RNF220: variants seen among roughly 807,000 people sequenced by gnomAD.
The protein encoded by RNF220 is E3 ubiquitin-protein ligase RNF220.
In RNF220, 7 loss-of-function variants were observed where a neutral mutation model predicts 67.1. The ratio of observed to expected loss-of-function variants is 0.10; its 90% CI spans 0.06 to 0.20. RNF220 has a LOEUF of 0.20. Ranked by LOEUF, RNF220 falls within the 10% of genes least tolerant of loss-of-function variation. The pLI is 1.00. For synonymous variants in RNF220, 270 were observed against 283.2 expected (o/e 0.95, Z 0.47); for missense variants, 565 against 740.3 (o/e 0.76, Z 2.75).
chr1:44,576,389 T>C (rs1344867967), intron 2 of RNF220, among the ~76,000 whole-genome samples: 1 of 152,204 alleles, frequency 6.6e-6, no homozygotes, highest in Non-Finnish European at 1.5e-5. Flanking sequence ...CTCCTTTCTC[T>C]GGGGCTCCTA....
chr1:44,425,317 C>G (rs1405121653), intron 2 of RNF220, among the ~76,000 whole-genome samples: 1 of 152,232 alleles, frequency 6.6e-6, no homozygotes, highest in Non-Finnish European at 1.5e-5. Flanking sequence ...AATTGTGCCT[C>G]TCCCATGGGC....
At chr1:44,591,065 G>A (rs1301728726) in intron 2 of RNF220, among the ~76,000 whole-genome samples, 4 of 152,162 alleles carry the variant, frequency 2.6e-5, no homozygotes, top group Admixed American at 1.3e-4. Flanking sequence ...AGGTTCAAGC[G>A]ATTCTCCTGC....
rs1382505409 is a variant in RNF220, at chr1:44,624,615, T to A, written c.805-1682T>A. On this transcript the variant is annotated intron_variant, in intron 4 of 14. Transcript: ENST00000361799. The surrounding 1 kb of genome is among the most constrained non-coding windows in gnomAD (Gnocchi z 4.2). ...TTGACCTAGGCTTTAGGGAAGCAGG[T>A]CGTGAGTGGAAGAGGCGAGAGAGAG... Among the ~76,000 whole-genome samples the A allele has an allele frequency of 1.3e-5, 2 of 151,570 alleles. No homozygotes were observed. Among genetic ancestry groups the A allele is most frequent in the African/African-American group, 4.9e-5 (2 of 41,194 alleles).
chr1:44,589,857 C>T (rs765929088), intron 2 of RNF220, among the ~76,000 whole-genome samples: 25 of 152,224 alleles, frequency 1.6e-4, no homozygotes, highest in Non-Finnish European at 2.6e-4. Context: ...TATGATGATT[C>T]CTTGACTCAA....
At chr1:44,543,026 C>T (rs773572073) in intron 2 of RNF220, among the ~76,000 whole-genome samples, 2 of 152,170 alleles carry the variant, frequency 1.3e-5, no homozygotes, top group Non-Finnish European at 2.9e-5. Context: ...CAGGCGCCTG[C>T]CACCGGCTGG....
intron 2 of RNF220, among the ~76,000 whole-genome samples, chr1:44,509,884 CCAAAAAAAAAAA>C (rs1290629349): frequency 1.1e-4 from 9 of 80,408 alleles, no homozygotes; most frequent in African/African-American, 3.8e-4. Context: ...GAGACCCTGT[CCAAAAAAAAAAA>C]AAAAAAAAAA....
At chr1:44,582,765 A>C (rs1558064097) in intron 2 of RNF220, among the ~76,000 whole-genome samples, 1 of 145,608 alleles carries the variant, frequency 6.9e-6, no homozygotes, top group African/African-American at 2.6e-5. Flanking sequence ...TCAAAAAAAA[A>C]AAAAAAAAGG....
At chr1:44,522,203 G>A (rs1338210637) in intron 2 of RNF220, among the ~76,000 whole-genome samples, 2 of 152,226 alleles carry the variant, frequency 1.3e-5, no homozygotes, top group Admixed American at 1.3e-4. Flanking sequence ...CATGATGGAA[G>A]GATGGTGGGA....
In RNF220 at chr1:44,649,841, G is replaced by A. The variant is rs1644742857; in HGVS notation, c.1555-42G>A. On this transcript the variant is annotated intron_variant, in intron 13 of 14. Coordinates refer to ENST00000361799, the MANE Select transcript of RNF220 (RefSeq NM_018150.4). The surrounding 1 kb of genome is among the most constrained non-coding windows in gnomAD (Gnocchi z 5.9). ...CCTCTGGGGGAGTTGGAGAGGGTGG[G>A]CCTACCTCAGAGTGACCCCTTCTCT... The A allele has an allele frequency of 1.2e-6, 2 of 1,613,442 alleles. No individual in the cohort carries two copies. The highest frequency in any genetic ancestry group is 1.7e-6 in the Non-Finnish European group (2 of 1,179,582).
At chr1:44,628,179 C>G (rs940392442) in intron 5 of RNF220, among the ~76,000 whole-genome samples, 20 of 152,254 alleles carry the variant, frequency 1.3e-4, no homozygotes, top group African/African-American at 4.1e-4. Context: ...GAGGAATAGA[C>G]AGCCCCACCT....
At chr1:44,409,682 A>G (rs1048252114) in intron 1 of RNF220, among the ~76,000 whole-genome samples, 2 of 152,248 alleles carry the variant, frequency 1.3e-5, no homozygotes, top group Non-Finnish European at 2.9e-5. Context: ...CAGTCACCCA[A>G]ATGCTCCATC....
chr1:44,451,962 G>A (rs927662203), intron 2 of RNF220, among the ~76,000 whole-genome samples: 3 of 152,154 alleles, frequency 2.0e-5, no homozygotes, highest in Non-Finnish European at 4.4e-5. Context: ...TCTGAAGTTT[G>A]TGTTTTGCTT....
chr1:44,647,370 G>T (rs971607018), intron 12 of RNF220, among the ~76,000 whole-genome samples: 13 of 152,190 alleles, frequency 8.5e-5, no homozygotes, highest in Admixed American at 7.2e-4. Context: ...TAATCCAGAT[G>T]GGGATGGCAC....
chr1:44,556,425 C>T (rs1007060922), intron 2 of RNF220, among the ~76,000 whole-genome samples: 1 of 150,672 alleles, frequency 6.6e-6, no homozygotes, highest in Non-Finnish European at 1.5e-5. Flanking sequence ...TTAATGATGA[C>T]CTGAATGAAC....
At chr1:44,641,813 A>T (rs1156598447) in intron 8 of RNF220, among the ~76,000 whole-genome samples, 1 of 152,130 alleles carries the variant, frequency 6.6e-6, no homozygotes, top group East Asian at 1.9e-4. Flanking sequence ...CAGCTGGAGG[A>T]TGGGGTCAGG....
At chr1:44,508,353 T>C (rs1055444963) in intron 2 of RNF220, among the ~76,000 whole-genome samples, 9 of 152,066 alleles carry the variant, frequency 5.9e-5, no homozygotes, top group African/African-American at 2.2e-4. Flanking sequence ...GGGCGAGTCG[T>C]GTGGGGTCAG....
chr1:44,424,814 G>A (rs754687491), intron 2 of RNF220, among the ~76,000 whole-genome samples: 4 of 152,208 alleles, frequency 2.6e-5, no homozygotes, highest in South Asian at 2.1e-4. Flanking sequence ...GTGGCCCAGC[G>A]GAGGGTCTGG....
At chr1:44,481,810 A>C (rs1238881910) in intron 2 of RNF220, among the ~76,000 whole-genome samples, 1 of 152,216 alleles carries the variant, frequency 6.6e-6, no homozygotes, top group African/African-American at 2.4e-5. Flanking sequence ...GAAGTGATCC[A>C]GGCAAAGAAA....
chr1:44,462,649 A>G (rs1432889146), intron 2 of RNF220, among the ~76,000 whole-genome samples: 3 of 152,248 alleles, frequency 2.0e-5, no homozygotes, highest in Admixed American at 2.0e-4. Context: ...TAGAAAAAAG[A>G]CAGGATTTTC....
Sources: allele counts gnomAD v4.1 joint callset (sites outside exome capture counted in the v4.1 genomes callset), GRCh38; gene constraint gnomAD v4.1.1; non-coding constraint Gnocchi (gnomAD v3.1); transcripts MANE v1.5; gene names NCBI Gene and HGNC (gene_info 2026-07-23, HGNC 2026-07-21).